CDH6: variants seen among roughly 807,000 people sequenced by gnomAD.
CDH6 encodes cadherin-6.
In CDH6, 31 loss-of-function variants were observed where a neutral mutation model predicts 78.0. That is an observed-to-expected ratio of 0.40 (90% CI 0.30 to 0.54). The LOEUF is 0.54. CDH6 is among the 20% of genes least tolerant of loss of function. The probability of loss-of-function intolerance (pLI) is 0.56; values close to 1 mark genes in which losing one functional copy is unlikely to be tolerated. For missense variants in CDH6, 724 were observed against 975.9 expected (o/e 0.74, Z 3.44); for synonymous variants, 376 against 368.8 (o/e 1.02, Z -0.23).
chr5:31,255,645 GA>G (rs1317101487), intron 1 of CDH6, among the ~76,000 whole-genome samples: 1 of 152,150 alleles, frequency 6.6e-6, no homozygotes, highest in Non-Finnish European at 1.5e-5. Flanking sequence ...ACACAAACCT[GA>G]ATTAGTGAAG....
chr5:31,302,796 GAGAGAAAGAAAGAAAGAAAGAA>G (rs1249974267), intron 6 of CDH6, among the ~76,000 whole-genome samples: 30 of 31,156 alleles, frequency 9.6e-4, no homozygotes, highest in African/African-American at 3.0e-3. Flanking sequence ...GAGAGAGAGA[GAGAGAAAGAAAGAAAGAAAGAA>G]AGAAAGAAAG....
chr5:31,253,918 C>T (rs1380673392), intron 1 of CDH6, among the ~76,000 whole-genome samples: 5 of 151,764 alleles, frequency 3.3e-5, no homozygotes, highest in Non-Finnish European at 7.4e-5. Flanking sequence ...AAGGTAAATA[C>T]AGTAATCCCT....
At position 31,299,658 on chromosome 5, in the gene CDH6, C is replaced by T. The variant is rs1443171943; in HGVS notation, c.811+27C>T. 10 of 1,563,522 alleles carry T rather than the reference C, an allele frequency of 6.4e-6. No homozygotes were observed. In the South Asian group the frequency reaches 9.0e-5, roughly 14 times the overall value. On this transcript the variant is annotated intron_variant, in intron 5 of 11. Transcript: ENST00000265071. ...TAGGAACATTTGATTGAATGAATTT[C>T]TTCAATGTGCTTTTATAAAACTCGA... is the stretch of plus-strand genomic sequence containing the variant.
At chr5:31,216,747 C>A (rs941868357) in intron 1 of CDH6, among the ~76,000 whole-genome samples, 6 of 148,596 alleles carry the variant, frequency 4.0e-5, no homozygotes, top group Non-Finnish European at 7.4e-5. Context: ...ACAAAAAATT[C>A]ATTGGGAAGT....
chr5:31,317,906 T>C lies in CDH6; in HGVS notation c.1864T>C (p.Cys622Arg). The C allele has an allele frequency of 6.2e-7, 1 of 1,613,516 alleles. No homozygotes were observed. The highest frequency in any genetic ancestry group is 8.5e-7 in the Non-Finnish European group (1 of 1,180,024). The change falls in exon 11 of 12, where the codon TGC becomes CGC. Residue 622 changes from cysteine (C) to arginine (R), a missense_variant. Transcript: ENST00000265071. ...GGGGGCTCTGGTTGCCATCCTTCTG[T>C]GCATCGTGATCCTACTAGGTAAACT... is the stretch of plus-strand genomic sequence containing the variant. ...STGALVAILLCIVILLVTVVL... is the reference protein window; with the variant it reads ...STGALVAILLRIVILLVTVVL...
At chr5:31,221,776 A>G (rs1741009846) in intron 1 of CDH6, among the ~76,000 whole-genome samples, 1 of 152,222 alleles carries the variant, frequency 6.6e-6, no homozygotes, top group Non-Finnish European at 1.5e-5. Flanking sequence ...AAGAAAGATG[A>G]TGTGATGTGG....
In CDH6 at chr5:31,268,684, T is replaced by G. The variant is rs16900802; in HGVS notation, c.228+983T>G. ...ATGCATTCATTTGTGATTACAGCTA[T>G]GATTTTAAGACATCTATATTAGGAT... On this transcript the variant is annotated intron_variant, in intron 2 of 11. Coordinates refer to ENST00000265071, the MANE Select transcript of CDH6 (RefSeq NM_004932.4). Among the ~76,000 whole-genome samples, 1,048 of 152,324 alleles carry G rather than the reference T, an allele frequency of 6.9e-3. 10 individuals are homozygous for G. Among genetic ancestry groups the G allele is most frequent in the African/African-American group, 0.024 (997 of 41,562 alleles).
intron 1 of CDH6, among the ~76,000 whole-genome samples, chr5:31,221,591 G>A (rs1054200008): frequency 8.5e-5 from 13 of 152,142 alleles, no homozygotes; most frequent in East Asian, 5.8e-4. Context: ...TTGATGACTC[G>A]TGGAAGAAAT....
chr5:31,275,921 T>A (rs1742677240), intron 2 of CDH6, among the ~76,000 whole-genome samples: 1 of 152,192 alleles, frequency 6.6e-6, no homozygotes, highest in South Asian at 2.1e-4. Context: ...CCACCCACAT[T>A]TACCAAAAAT....
At chr5:31,297,263 T>A (rs1339258709) in intron 3 of CDH6, 26 bp from the exon 4 acceptor site, 1 of 1,601,568 alleles carries the variant, frequency 6.2e-7, no homozygotes. Flanking sequence ...TTGATGTGTT[T>A]TCAGTTTATA....
chr5:31,307,643 CTT>C (rs1444444757), intron 7 of CDH6, among the ~76,000 whole-genome samples: 5 of 152,184 alleles, frequency 3.3e-5, no homozygotes, highest in African/African-American at 4.8e-5. Context: ...ACTACTCTCT[CTT>C]GGAGTTTGTT....
chr5:31,325,228 A>G lies in CDH6; in HGVS notation c.*1920A>G, dbSNP rs749632927. Reference sequence around the variant, plus strand: ...TGTCTTCTGAATGGTTTCCGATTTTATAATGGACTGCCCTATATAGTAACA... The same window carrying G: ...TGTCTTCTGAATGGTTTCCGATTTTGTAATGGACTGCCCTATATAGTAACA... On this transcript the variant is annotated 3_prime_UTR_variant, in exon 12 of 12. Transcript: ENST00000265071. The G allele has an allele frequency of 1.3e-5, 3 of 229,578 alleles. No homozygotes were observed. Among genetic ancestry groups the G allele is most frequent in the Non-Finnish European group, 2.6e-5 (3 of 115,798 alleles). 14.2% of individuals were successfully genotyped at this position (229,578 alleles called of 1,614,324 possible). A position where few individuals can be genotyped will look rare whatever the true frequency, so the allele number is the denominator to read the frequency against.
intron 1 of CDH6, among the ~76,000 whole-genome samples, chr5:31,195,658 G>A (rs1375810704): frequency 6.6e-6 from 1 of 152,174 alleles, no homozygotes; most frequent in African/African-American, 2.4e-5. Flanking sequence ...GGAGGGTAAA[G>A]TTTATGCCAG....
chr5:31,297,526 C>A, intron 4 of CDH6, 118 bp downstream of exon 4: 2 of 687,102 alleles, frequency 2.9e-6, no homozygotes, highest in Non-Finnish European at 4.8e-6. Context: ...ATACATCCAC[C>A]AAACACTAAT....
chr5:31,252,962 G>A (rs1046216267), intron 1 of CDH6, among the ~76,000 whole-genome samples: 4 of 152,156 alleles, frequency 2.6e-5, no homozygotes, highest in African/African-American at 9.7e-5. Context: ...TACTTTATAT[G>A]TTAGTCTGCT....
intron 2 of CDH6, among the ~76,000 whole-genome samples, chr5:31,274,652 T>C (rs1373657351): frequency 6.6e-6 from 1 of 152,176 alleles, no homozygotes; most frequent in Admixed American, 6.5e-5. Flanking sequence ...AAACCCCATC[T>C]CTACTAAAAA....
At chr5:31,319,461 C>G (rs1446049316) in intron 11 of CDH6, among the ~76,000 whole-genome samples, 1 of 152,212 alleles carries the variant, frequency 6.6e-6, no homozygotes, top group Non-Finnish European at 1.5e-5. Context: ...TAATCCTCAG[C>G]ACCATTTGGT....
At chr5:31,263,567 G>A (rs935622952) in intron 1 of CDH6, among the ~76,000 whole-genome samples, 11 of 150,432 alleles carry the variant, frequency 7.3e-5, no homozygotes, top group Non-Finnish European at 1.5e-4. Context: ...ACAGGCATGA[G>A]CCACTGCACT....
At chr5:31,276,007 C>T (rs1364551723) in intron 2 of CDH6, among the ~76,000 whole-genome samples, 2 of 152,186 alleles carry the variant, frequency 1.3e-5, no homozygotes, top group Non-Finnish European at 2.9e-5. Context: ...TGTCAATGTG[C>T]CATTGCAACC....
Sources: gnomAD v4.1 joint callset for allele counts (sites outside exome capture counted in the v4.1 genomes callset) on GRCh38, gnomAD v4.1.1 for gene constraint, MANE v1.5 for transcripts, NCBI Gene and HGNC (gene_info 2026-07-23, HGNC 2026-07-21) for gene names.